The following NCOR1 variants were observed in gnomAD, a reference collection of about 807,000 sequenced individuals.
NCOR1 encodes the protein nuclear receptor corepressor 1.
Under a neutral mutation model 288.1 loss-of-function variants are expected in NCOR1, and 63 were observed. The observed-to-expected ratio is 0.22, with a 90% CI of 0.18 to 0.27. The LOEUF (loss-of-function observed/expected upper bound fraction) is 0.27. Ranked by LOEUF, NCOR1 falls within the 10% of genes least tolerant of loss-of-function variation. The probability of loss-of-function intolerance (pLI) is 1.00; values close to 1 mark genes in which losing one functional copy is unlikely to be tolerated. For synonymous variants in NCOR1, 1,007 were observed against 1,065.9 expected, an observed-to-expected ratio of 0.94 and a Z score of 1.08; for missense variants, 2,397 against 3,019.2, an observed-to-expected ratio of 0.79 and a Z score of 4.83.
intron 1 of NCOR1, among the ~76,000 whole-genome samples, chr17:16,209,647 A>G (rs1317679104): frequency 6.6e-6 from 1 of 151,678 alleles, no homozygotes; most frequent in East Asian, 1.9e-4. Flanking sequence ...TAAAAAAAAA[A>G]AAAAACCATA....
intron 42 of NCOR1, chr17:16,044,571 C>T (rs756031321): frequency 5.6e-5 from 29 of 520,244 alleles, no homozygotes; most frequent in Admixed American, 5.2e-4. Flanking sequence ...TCACTTCATC[C>T]GGCAACTACC....
At chr17:16,032,535 A>C in intron 45 of NCOR1, 52 bp from the exon 46 acceptor site, 33 of 1,495,920 alleles carry the variant, frequency 2.2e-5, no homozygotes, top group Middle Eastern at 1.8e-4. Context: ...CTGGTATTTC[A>C]TCCAATCCAA....
Position 16,031,832 on chromosome 17 carries a change from TTAG to T in NCOR1, c.*461_*463del, listed in dbSNP as rs1204595039. ...ATGTAACTGGGCTGTATGAGGTTGT[TTAG>T]AAGGCTAGGGTTAAAAAGATAGATA... On this transcript the variant is annotated 3_prime_UTR_variant, in exon 46 of 46. Transcript: ENST00000268712. 4.3e-6 allele frequency: 1 copy of T among 232,426 alleles called. No homozygotes were observed. Among genetic ancestry groups the T allele is most frequent in the African/African-American group, 2.2e-5 (1 of 45,274 alleles). The allele number at this position is 232,426 out of a possible 1,614,324, so 14.4% of individuals were successfully genotyped here. A position where few individuals can be genotyped will look rare whatever the true frequency, so the allele number is the denominator to read the frequency against.
chr17:16,162,098 AT>A (rs1248641772), intron 5 of NCOR1, among the ~76,000 whole-genome samples: 2 of 152,040 alleles, frequency 1.3e-5, no homozygotes, highest in African/African-American at 2.4e-5. Flanking sequence ...CAAAAAAAAA[AT>A]TTTTTTTAAT....
chr17:16,103,282 ATT>A (rs1395315786), intron 19 of NCOR1, among the ~76,000 whole-genome samples: 3 of 152,132 alleles, frequency 2.0e-5, no homozygotes, highest in Admixed American at 1.3e-4. Context: ...AGGCTCACTG[ATT>A]TTCTCTCTAA....
At chr17:16,074,984 C>G (rs2062241544) in intron 27 of NCOR1, among the ~76,000 whole-genome samples, 1 of 152,156 alleles carries the variant, frequency 6.6e-6, no homozygotes, top group South Asian at 2.1e-4. Flanking sequence ...TCTCCTGGCT[C>G]AGCCTCCCGA....
chr17:16,029,427 G>T lies in NCOR1; in HGVS notation c.*2869C>A. The T allele has an allele frequency of 7.3e-6, 2 of 272,764 alleles. No homozygotes were observed. The highest frequency in any genetic ancestry group is 7.1e-5 in the South Asian group (2 of 28,072). The allele number at this position is 272,764 out of a possible 1,614,324, so 16.9% of individuals were successfully genotyped here. A position where few individuals can be genotyped will look rare whatever the true frequency, so the allele number is the denominator to read the frequency against. On this transcript the variant is annotated 3_prime_UTR_variant, in exon 46 of 46. Transcript: ENST00000268712. ...GTCCAATGGTCACTGGAGTTTTCTG[G>T]GCATAAATATTTTTAAAATAGAATC...
intron 10 of NCOR1, among the ~76,000 whole-genome samples, chr17:16,145,230 G>A (rs2077711885): frequency 6.6e-6 from 1 of 152,244 alleles, no homozygotes; most frequent in South Asian, 2.1e-4. Context: ...CAGTGCAGTG[G>A]CGTGATCTAG....
chr17:16,034,923 A>G lies in NCOR1; in HGVS notation c.6977T>C (p.Leu2326Pro). Residue 2326 changes from leucine (L) to proline (P), a missense_variant, in exon 45 of 46, where the codon CTG becomes CCG. Physicochemically the swap from Leu to Pro is moderately conservative, Grantham distance 98 (BLOSUM62 -3). Coordinates refer to ENST00000268712, the MANE Select transcript of NCOR1 (RefSeq NM_006311.4). The stretch of plus-strand genomic sequence containing the variant: ...TTTCCTGCTGTTTGACTTGCTGATC[A>G]GCTTTGGTTTGCAAACTCCTCCTGA... ...PHSGGVCKPK[L>P]ISKSNSRKSK... The G allele has an allele frequency of 6.2e-7, 1 of 1,614,062 alleles. No homozygotes were observed. Among genetic ancestry groups the G allele is most frequent in the Non-Finnish European group, 8.5e-7 (1 of 1,179,986 alleles).
At chr17:16,091,779 T>A in intron 22 of NCOR1, 84 bp downstream of exon 22, 1 of 1,591,916 alleles carries the variant, frequency 6.3e-7, no homozygotes, top group Non-Finnish European at 8.6e-7. Flanking sequence ...GCTGACAACT[T>A]ACAAAGCACA....
At chr17:16,062,353 T>C in intron 35 of NCOR1, 83 bp from the exon 36 acceptor site, 1 of 1,329,790 alleles carries the variant, frequency 7.5e-7, no homozygotes, top group South Asian at 1.7e-5. Context: ...GGATTGTTTA[T>C]TTCCTAACAT....
chr17:16,147,395 A>AAAAAC (rs1313889196), intron 9 of NCOR1, among the ~76,000 whole-genome samples: 1 of 125,914 alleles, frequency 7.9e-6, no homozygotes, highest in Non-Finnish European at 1.9e-5. Context: ...GGCAACAGAC[A>AAAAAC]AAAACAAAAC....
chr17:16,045,091 G>T (rs12373147), intron 42 of NCOR1: 2 of 325,388 alleles, frequency 6.1e-6, no homozygotes, highest in Non-Finnish European at 1.2e-5. Context: ...TGGGGGGATA[G>T]TTAGTACAAG....
chr17:16,151,138 TAG>T lies in NCOR1; in HGVS notation c.842+806_842+807del, dbSNP rs1388604184. On this transcript the variant is annotated intron_variant, in intron 8 of 45. Coordinates refer to ENST00000268712, the MANE Select transcript of NCOR1 (RefSeq NM_006311.4). ...CTTATACTTAATAAAACATATAAAG[TAG>T]AAATATCACATTTTTGTCACAAACT... is the stretch of plus-strand genomic sequence containing the variant. 4.6e-5 allele frequency among the ~76,000 whole-genome samples: 7 copies of T among 151,942 alleles called. No homozygotes were observed. The East Asian group carries it at 7.7e-4, about 17-fold the overall frequency.
intron 18 of NCOR1, among the ~76,000 whole-genome samples, chr17:16,110,764 A>G (rs2069937512): frequency 6.6e-6 from 1 of 152,216 alleles, no homozygotes; most frequent in African/African-American, 2.4e-5. Flanking sequence ...TGCGGATGAT[A>G]TTTAGGATCC....
rs746822331 is a variant in NCOR1, at chr17:16,065,490, G to A, written c.4946C>T (p.Thr1649Met). The part of the protein sequence containing the change: ...EQPLGLPYPA[T>M]RGIIDLTNMP... ...TGAAATGCAAAGACACACACCTCTC[G>A]TTGCTGGGTATGGGAGACCCAGTGG... is the stretch of plus-strand genomic sequence containing the variant. The change falls in exon 33 of 46, where the codon ACG (threonine) becomes ATG (methionine). Residue 1649 changes from threonine (T) to methionine (M), a missense_variant. Physicochemically the swap from Thr to Met is moderately conservative, Grantham distance 81. Around this residue, in one of 11 missense-constraint regions of NCOR1, gnomAD observed 1,872 missense variants for 2,187.8 expected, o/e 0.86. Transcript: ENST00000268712. 6.8e-6 allele frequency: 11 copies of A among 1,614,086 alleles called. No individual in the cohort carries two copies. The highest frequency in any genetic ancestry group is 1.1e-5 in the South Asian group (1 of 91,084).
chr17:16,167,571 T>C (rs1244704878), intron 4 of NCOR1, among the ~76,000 whole-genome samples: 3 of 151,852 alleles, frequency 2.0e-5, no homozygotes, highest in Admixed American at 1.3e-4. Context: ...AATAAAAAAC[T>C]ATCTTCCACT....
At chr17:16,204,720 G>A (rs200684739) in intron 1 of NCOR1, among the ~76,000 whole-genome samples, 1 of 152,170 alleles carries the variant, frequency 6.6e-6, no homozygotes, top group Non-Finnish European at 1.5e-5. Context: ...AAGAGTCACA[G>A]CTAACATTTA....
intron 40 of NCOR1, among the ~76,000 whole-genome samples, chr17:16,056,480 T>C (rs568381216): frequency 2.0e-5 from 3 of 150,662 alleles, no homozygotes; most frequent in South Asian, 4.2e-4. Flanking sequence ...CCTGGCTAAT[T>C]TTTTTTTTGT....
Sources: allele counts gnomAD v4.1 joint callset (sites outside exome capture counted in the v4.1 genomes callset), GRCh38; gene constraint gnomAD v4.1.1; regional missense constraint gnomAD v4.1.1; transcripts MANE v1.5; gene names NCBI Gene and HGNC (gene_info 2026-07-23, HGNC 2026-07-21).